The following AFAP1L2 variants were observed in gnomAD, a reference collection of about 807,000 sequenced individuals.
The protein encoded by AFAP1L2 is actin filament-associated protein 1-like 2.
AFAP1L2 carries 46 observed loss-of-function variants against 99.3 expected under a neutral mutation model. The ratio of observed to expected loss-of-function variants is 0.46; its 90% CI spans 0.37 to 0.59. The LOEUF is 0.59. AFAP1L2 is among the 20% of genes least tolerant of loss of function. The probability of loss-of-function intolerance (pLI) is 0.00; values close to 1 mark genes in which losing one functional copy is unlikely to be tolerated. For missense variants in AFAP1L2, 959 were observed against 1,034.9 expected (o/e 0.93, Z 1.01); for synonymous variants, 397 against 419.1 (o/e 0.95, Z 0.64).
the AFAP1L2 span, among the ~76,000 whole-genome samples, chr10:114,288,395 A>G: frequency 6.6e-6 from 1 of 152,256 alleles, no homozygotes; most frequent in Admixed American, 6.5e-5. Context: ...TTGTCCATAC[A>G]GCATCTAATT....
chr10:114,303,208 C>T (rs2041533299), intron 11 of AFAP1L2, among the ~76,000 whole-genome samples: 1 of 152,198 alleles, frequency 6.6e-6, no homozygotes, highest in South Asian at 2.1e-4. Flanking sequence ...AATCAGCCCC[C>T]TTTGGTATAA....
chr10:114,331,878 C>G lies in AFAP1L2; in HGVS notation c.240G>C (p.Leu80=). The G allele has an allele frequency of 7.4e-7, 1 of 1,343,356 alleles. No homozygotes were observed. Among genetic ancestry groups the G allele is most frequent in the South Asian group, 2.1e-5 (1 of 47,966 alleles). The allele number at this position is 1,343,356 out of a possible 1,614,324, so 83.2% of individuals were successfully genotyped here. The part of the protein sequence containing the change: ...SQGKAPEEQG[L]LPNGEPSQHS... ...GCTGGCTGGGCTCCCCATTGGGTAG[C>G]AGGCCCTGCTCCTCAGGCGCTGCGG... The change falls in exon 4 of 19, where the codon CTG becomes CTC. Residue 80 remains leucine (L), a synonymous_variant. Coordinates refer to ENST00000304129, the MANE Select transcript of AFAP1L2 (RefSeq NM_001001936.3).
At position 114,304,887 on chromosome 10, in the gene AFAP1L2, C is replaced by T. The variant is rs1225250907; in HGVS notation, c.1116G>A (p.Trp372Ter). 1.2e-6 allele frequency: 2 copies of T among 1,613,378 alleles called. No individual in the cohort carries two copies. Among genetic ancestry groups the T allele is most frequent in the Non-Finnish European group, 1.7e-6 (2 of 1,180,018 alleles). ...GCAGGTGATTGTCCCTGACAGAGCA[C>T]CAGCGAGACTTCCACTGGCTGTTCA... ...VLVNSQWKSR[W>*]CSVRDNHLHF... The change falls in exon 11 of 19, where the codon TGG (tryptophan) becomes TGA (stop). Residue 372 changes from tryptophan (W) to a stop codon, truncating the protein, a stop_gained. Transcript: ENST00000304129. LOFTEE classifies it high-confidence loss of function.
At position 114,301,092 on chromosome 10, in the gene AFAP1L2, C is replaced by T. The variant is rs188909371; in HGVS notation, c.1542+262G>A. 3.4e-3 allele frequency among the ~76,000 whole-genome samples: 524 copies of T among 152,268 alleles called. 3 individuals carry two copies. The highest frequency in any genetic ancestry group is 0.012 in the African/African-American group (484 of 41,548). On this transcript the variant is annotated intron_variant, in intron 13 of 18. Coordinates refer to ENST00000304129, the MANE Select transcript of AFAP1L2 (RefSeq NM_001001936.3). ...CCTACTGGTACCTCCACTCCCAATCCCACCACCACACCCCTAGCCCTGACG... is the reference window on the plus strand; with the variant it reads ...CCTACTGGTACCTCCACTCCCAATCTCACCACCACACCCCTAGCCCTGACG...
intron 1 of AFAP1L2, among the ~76,000 whole-genome samples, chr10:114,368,372 C>A (rs1030492682): frequency 3.9e-5 from 6 of 152,128 alleles, no homozygotes; most frequent in Non-Finnish European, 7.4e-5. Context: ...TATAGCACAG[C>A]AACTGACTAT....
At position 114,299,248 on chromosome 10, in the gene AFAP1L2, G is replaced by A; in HGVS notation, c.2113+12C>T. On this transcript the variant is annotated intron_variant, in intron 16 of 18. Coordinates refer to ENST00000304129, the MANE Select transcript of AFAP1L2 (RefSeq NM_001001936.3). The stretch of plus-strand genomic sequence containing the variant: ...TGAGCTGAGGGTCCCTCCCCACTGG[G>A]GGCCCCCTTACCTGTGCATTTCAGT... 6.2e-7 allele frequency: 1 copy of A among 1,613,752 alleles called. No homozygotes were observed. The highest frequency in any genetic ancestry group is 8.5e-7 in the Non-Finnish European group (1 of 1,179,900).
chr10:114,360,414 T>C (rs1385022392), intron 1 of AFAP1L2, among the ~76,000 whole-genome samples: 5 of 152,080 alleles, frequency 3.3e-5, no homozygotes, highest in Admixed American at 2.0e-4. Context: ...TCTCAGCCTC[T>C]ATAATTGTGT....
intron 1 of AFAP1L2, among the ~76,000 whole-genome samples, chr10:114,374,074 C>G (rs145913817): frequency 6.6e-6 from 1 of 152,100 alleles, no homozygotes; most frequent in Non-Finnish European, 1.5e-5. Context: ...TAAGCTAAAA[C>G]CATCTCCTAT....
intron 1 of AFAP1L2, among the ~76,000 whole-genome samples, chr10:114,357,114 A>G (rs554426308): frequency 6.6e-6 from 1 of 152,332 alleles, no homozygotes; most frequent in South Asian, 2.1e-4. Flanking sequence ...AAATTTGTCA[A>G]AAGAAACTGC....
At chr10:114,403,940 G>T (rs748718012) in intron 1 of AFAP1L2, among the ~76,000 whole-genome samples, 1 of 152,196 alleles carries the variant, frequency 6.6e-6, no homozygotes, top group Non-Finnish European at 1.5e-5. Context: ...GCCCCACCTA[G>T]CCCGGGGAGG....
chr10:114,291,500 A>G (rs181624068), downstream of AFAP1L2: 89 of 467,954 alleles, frequency 1.9e-4, 1 homozygote, highest in South Asian at 1.3e-3. Context: ...GTAAGTAAAT[A>G]CCCACTTTCT....
intron 1 of AFAP1L2, among the ~76,000 whole-genome samples, chr10:114,400,512 T>C (rs993514036): frequency 3.3e-5 from 5 of 152,240 alleles, no homozygotes; most frequent in African/African-American, 1.2e-4. Context: ...AACGTTCCCA[T>C]AGCCTTTTAA....
chr10:114,352,692 T>C (rs556096635), intron 1 of AFAP1L2, among the ~76,000 whole-genome samples: 15 of 152,184 alleles, frequency 9.9e-5, no homozygotes, highest in Non-Finnish European at 1.9e-4. Context: ...GTCAACAGGT[T>C]AAAGCCAACA....
Position 114,300,587 on chromosome 10 carries a change from C to A in AFAP1L2, c.1646G>T (p.Gly549Val). ...GGCCTGGGCCTGTGCACTGCTGGGG[C>A]CATGCAGAAAGGACTTGACAGGTGT... ...DLTPVKSFLH[G>V]PSSAQAQASS... Residue 549 changes from glycine to valine, a missense_variant, in exon 14 of 19, where the codon GGC (glycine) becomes GTC (valine). This residue lies in a region of AFAP1L2 where 576 missense variants were observed against 562.1 expected (regional missense o/e 1.02). Coordinates refer to ENST00000304129, the MANE Select transcript of AFAP1L2 (RefSeq NM_001001936.3). 6.2e-7 allele frequency: 1 copy of A among 1,614,122 alleles called. No homozygotes were observed. Among genetic ancestry groups the A allele is most frequent in the Non-Finnish European group, 8.5e-7 (1 of 1,180,006 alleles).
intron 4 of AFAP1L2, among the ~76,000 whole-genome samples, chr10:114,327,967 G>C (rs953936518): frequency 6.6e-6 from 1 of 152,246 alleles, no homozygotes; most frequent in African/African-American, 2.4e-5. Flanking sequence ...GGATTAAGTG[G>C]TTTCCCCCAC....
chr10:114,396,298 G>C (rs1430129170), intron 1 of AFAP1L2, among the ~76,000 whole-genome samples: 2 of 152,086 alleles, frequency 1.3e-5, no homozygotes, highest in Non-Finnish European at 2.9e-5. Flanking sequence ...CATGGGCTTT[G>C]ATTAAAAAAC....
chr10:114,379,212 CAAA>C (rs35288351), intron 1 of AFAP1L2, among the ~76,000 whole-genome samples: 68,064 of 142,998 alleles, frequency 0.48, 17,283 homozygotes, highest in East Asian at 0.67. Flanking sequence ...GACTCTGTCT[CAAA>C]AAAAAAAAAA....
At chr10:114,368,354 G>T (rs2053586135) in intron 1 of AFAP1L2, among the ~76,000 whole-genome samples, 1 of 152,174 alleles carries the variant, frequency 6.6e-6, no homozygotes, top group African/African-American at 2.4e-5. Flanking sequence ...AGGTCTGGAG[G>T]TCTAATGTAT....
At chr10:114,395,177 C>T (rs1048577593) in intron 1 of AFAP1L2, among the ~76,000 whole-genome samples, 10 of 152,202 alleles carry the variant, frequency 6.6e-5, no homozygotes, top group Admixed American at 2.0e-4. Context: ...CAGAGGGCTT[C>T]TGTTAACTGT....
Sources: allele counts gnomAD v4.1 joint callset (sites outside exome capture counted in the v4.1 genomes callset), GRCh38; gene constraint gnomAD v4.1.1; regional missense constraint gnomAD v4.1.1; transcripts MANE v1.5; gene names NCBI Gene and HGNC (gene_info 2026-07-23, HGNC 2026-07-21).